NALCN: variants seen among roughly 807,000 people sequenced by gnomAD.
NALCN encodes sodium leak channel, non-selective.
In NALCN, 111 loss-of-function variants were observed where a neutral mutation model predicts 225.3. The observed-to-expected ratio is 0.49, with a 90% CI of 0.42 to 0.58. The LOEUF (loss-of-function observed/expected upper bound fraction) is 0.58, where lower values mean the gene tolerates loss of function less well. Ranked by LOEUF, NALCN falls within the 20% of genes least tolerant of loss-of-function variation. The pLI, the probability that NALCN is intolerant of heterozygous loss-of-function variation, is 0.00. For synonymous variants in NALCN, 764 were observed against 769.0 expected (o/e 0.99, Z 0.11); for missense variants, 1,378 against 2,202.4 (o/e 0.63, Z 7.49).
chr13:101,211,259 GA>G (rs2040512096), intron 13 of NALCN, among the ~76,000 whole-genome samples: 1 of 152,082 alleles, frequency 6.6e-6, no homozygotes, highest in African/African-American at 2.4e-5. Context: ...AAATAGTTGG[GA>G]AATTGCAAAT....
At chr13:101,208,402 G>A (rs12865474) in intron 13 of NALCN, among the ~76,000 whole-genome samples, 33,423 of 152,128 alleles carry the variant, frequency 0.22, 3,793 homozygotes, top group East Asian at 0.37. Flanking sequence ...AACACTCACC[G>A]CAAGGGTCTG....
At chr13:101,107,369 G>A in intron 22 of NALCN, 118 bp downstream of exon 22, 1 of 1,518,728 alleles carries the variant, frequency 6.6e-7, no homozygotes, top group Non-Finnish European at 9.0e-7. Flanking sequence ...TGATTAATTA[G>A]TCCGCAGTTT....
At chr13:101,203,245 C>T (rs533685447) in intron 13 of NALCN, among the ~76,000 whole-genome samples, 89 of 152,214 alleles carry the variant, frequency 5.8e-4, no homozygotes, top group African/African-American at 1.9e-3. Context: ...GACAGAGTTT[C>T]GCTCTTGTCG....
intron 30 of NALCN, among the ~76,000 whole-genome samples, chr13:101,086,963 C>T (rs2139533818): frequency 6.6e-6 from 1 of 152,118 alleles, no homozygotes; most frequent in East Asian, 1.9e-4. Flanking sequence ...AATGTAATTA[C>T]TTTGTTATAC....
intron 15 of NALCN, among the ~76,000 whole-genome samples, chr13:101,150,792 AAAG>A (rs2037610186): frequency 6.6e-6 from 1 of 152,172 alleles, no homozygotes; most frequent in Non-Finnish European, 1.5e-5. Context: ...TATACCAAGA[AAAG>A]AAGATCTTTT....
intron 3 of NALCN, among the ~76,000 whole-genome samples, chr13:101,392,089 C>T (rs538520340): frequency 1.3e-5 from 2 of 150,954 alleles, no homozygotes; most frequent in African/African-American, 4.9e-5. Flanking sequence ...GCAAAGGAAC[C>T]CCCACAAAAA....
At chr13:101,267,629 G>C (rs887510940) in intron 10 of NALCN, among the ~76,000 whole-genome samples, 1 of 152,190 alleles carries the variant, frequency 6.6e-6, no homozygotes, top group Non-Finnish European at 1.5e-5. Flanking sequence ...CTGCAGCCTA[G>C]CCTGTTGCAT....
chr13:101,393,874 C>A (rs2047211606), intron 3 of NALCN, among the ~76,000 whole-genome samples: 1 of 152,056 alleles, frequency 6.6e-6, no homozygotes, highest in Non-Finnish European at 1.5e-5. Context: ...TTGAAGAAAC[C>A]AACCATAAAA....
chr13:101,226,884 G>A (rs924860195), intron 13 of NALCN, among the ~76,000 whole-genome samples: 1 of 152,098 alleles, frequency 6.6e-6, no homozygotes, highest in Non-Finnish European at 1.5e-5. Flanking sequence ...CTCCATGCTG[G>A]CTCCGTTCCT....
At chr13:101,282,723 CA>C (rs1015631703) in intron 10 of NALCN, among the ~76,000 whole-genome samples, 1 of 152,118 alleles carries the variant, frequency 6.6e-6, no homozygotes, top group African/African-American at 2.4e-5. Flanking sequence ...TTGGTTGCAA[CA>C]ATCGTTTTAC....
intron 3 of NALCN, among the ~76,000 whole-genome samples, chr13:101,384,723 T>C (rs1320550751): frequency 1.3e-5 from 2 of 152,154 alleles, no homozygotes; most frequent in African/African-American, 4.8e-5. Flanking sequence ...CAGACATGTA[T>C]CATCCAAATA....
At chr13:101,126,664 T>G (rs546642297) in intron 17 of NALCN, among the ~76,000 whole-genome samples, 38 of 152,204 alleles carry the variant, frequency 2.5e-4, no homozygotes, top group African/African-American at 8.9e-4. Context: ...GACTGATTTT[T>G]GTATTTTTAG....
At chr13:101,373,265 G>T (rs1202999908) in intron 6 of NALCN, among the ~76,000 whole-genome samples, 5 of 152,074 alleles carry the variant, frequency 3.3e-5, no homozygotes, top group African/African-American at 9.7e-5. Context: ...GAAAGAATAT[G>T]AATCTTATAT....
At chr13:101,279,319 G>C (rs753284870) in intron 10 of NALCN, among the ~76,000 whole-genome samples, 29 of 152,152 alleles carry the variant, frequency 1.9e-4, no homozygotes, top group Non-Finnish European at 3.8e-4. Flanking sequence ...AGTGCTTCCT[G>C]GAGGCAGAAA....
At chr13:101,143,253 T>C in intron 16 of NALCN, 32 bp from the exon 17 acceptor site, 1 of 1,566,356 alleles carries the variant, frequency 6.4e-7, no homozygotes, top group Non-Finnish European at 8.7e-7. Context: ...GCATCAGGCA[T>C]TATTAGTGGA....
chr13:101,065,641 G>A (rs1776226609), intron 39 of NALCN, 80 bp from the exon 40 acceptor site: 1 of 1,501,454 alleles, frequency 6.7e-7, no homozygotes, highest in Non-Finnish European at 9.0e-7. Context: ...AAAAAAAAAG[G>A]TGCTATTTCT....
At chr13:101,083,014 T>A (rs562537131) in intron 32 of NALCN, 78 bp downstream of exon 32, 4 of 1,541,018 alleles carry the variant, frequency 2.6e-6, no homozygotes, top group African/African-American at 2.7e-5. Context: ...CGTGAATGCA[T>A]ATAGCAGCTT....
At chr13:101,098,040 G>A (rs967018900) in intron 27 of NALCN, among the ~76,000 whole-genome samples, 2 of 152,074 alleles carry the variant, frequency 1.3e-5, no homozygotes, top group South Asian at 4.2e-4. Flanking sequence ...CTGTGATTTC[G>A]AAGCCCATGC....
intron 3 of NALCN, among the ~76,000 whole-genome samples, chr13:101,394,425 T>G (rs955667413): frequency 6.6e-6 from 1 of 152,214 alleles, no homozygotes; most frequent in African/African-American, 2.4e-5. Flanking sequence ...GTGAAAGAAC[T>G]AAGATCTGAG....
Sources: gnomAD v4.1 joint callset for allele counts (sites outside exome capture counted in the v4.1 genomes callset) on GRCh38, gnomAD v4.1.1 for gene constraint, MANE v1.5 for transcripts, NCBI Gene and HGNC (gene_info 2026-07-23, HGNC 2026-07-21) for gene names.